Variants in NEB observed in about 807,000 individuals in gnomAD.
NEB encodes nebulin, also known as nemaline myopathy type 2.
In NEB, 512 loss-of-function variants were observed where a neutral mutation model predicts 952.2. The ratio of observed to expected loss-of-function variants is 0.54; its 90% CI spans 0.50 to 0.58. NEB has a LOEUF of 0.58. Among genes scored for constraint, NEB ranks in the 20% least tolerant of loss-of-function variants. The pLI is 0.00. For missense variants in NEB, 8,428 were observed against 9,231.1 expected (o/e 0.91, Z 3.56); for synonymous variants, 2,900 against 3,149.8 (o/e 0.92, Z 2.66).
In NEB at chr2:151,526,009, T is replaced by C. The variant is rs539800267; in HGVS notation, c.22110A>G (p.Pro7370=). 2.7e-5 allele frequency: 44 copies of C among 1,614,010 alleles called. No homozygotes were observed. The East Asian group carries it at 8.9e-4, about 33-fold the overall frequency. Residue 7370 remains proline (P), a synonymous_variant, in exon 150 of 182, where the codon CCA becomes CCG. Transcript: ENST00000397345. ...TGACGTGAACAGTGTCCCGGGTCTCTGGTAGTGTTGTGTATGAGCCCTGTG... is the reference window on the plus strand; with the variant it reads ...TGACGTGAACAGTGTCCCGGGTCTCCGGTAGTGTTGTGTATGAGCCCTGTG... ...HLAQGSYTTL[P]ETRDTVHVKE...
intron 165 of NEB, among the ~76,000 whole-genome samples, 181 bp from the exon 166 acceptor site, chr2:151,503,622 AT>A (rs3835058): frequency 0.64 from 96,955 of 151,936 alleles, 31,315 homozygotes; most frequent in East Asian, 0.77. Flanking sequence ...AATAGTAAAA[AT>A]TTTTACTACT....
At chr2:151,674,636 G>C (rs2099344923) in intron 35 of NEB, 52 bp from the exon 36 acceptor site, 1 of 1,331,114 alleles carries the variant, frequency 7.5e-7, no homozygotes, top group Non-Finnish European at 1.1e-6. Flanking sequence ...TTCCTCAACT[G>C]CTGGGATTGT....
At chr2:151,568,764 T>G in intron 110 of NEB, 48 bp from the exon 111 acceptor site, 1 of 1,334,890 alleles carries the variant, frequency 7.5e-7, no homozygotes. Context: ...CCTAGACATG[T>G]GTGAACTGAG....
At chr2:151,642,537 C>T (rs763691346) in intron 60 of NEB, 37 bp downstream of exon 60, 23 of 1,548,240 alleles carry the variant, frequency 1.5e-5, no homozygotes, top group Non-Finnish European at 2.0e-5. Context: ...AATCTTTGAG[C>T]CAAAGCTAAG....
chr2:151,507,045 T>G, intron 162 of NEB, 32 bp from the exon 163 acceptor site: 3 of 1,272,896 alleles, frequency 2.4e-6, no homozygotes, highest in Middle Eastern at 2.5e-4. Context: ...CTTGTTAAGA[T>G]TTCAACATTG....
At chr2:151,643,474 A>C (rs2098914141) in intron 57 of NEB, 121 bp from the exon 58 acceptor site, 26 of 867,620 alleles carry the variant, frequency 3.0e-5, no homozygotes, top group Non-Finnish European at 4.4e-5. Context: ...TATTTTTAAT[A>C]CTTGAATTAT....
rs891932148 is a variant in NEB at position 151,499,456 on chromosome 2, G to T, written c.24022-66C>A. 7 of 830,364 alleles carry T rather than the reference G, an allele frequency of 8.4e-6. No homozygotes were observed. In the East Asian group the frequency reaches 1.6e-4, roughly 19 times the overall value. 51.4% of individuals were successfully genotyped at this position (830,364 alleles called of 1,614,324 possible). On this transcript the variant is annotated intron_variant, in intron 168 of 181. Coordinates refer to ENST00000397345, the MANE Select transcript of NEB (RefSeq NM_001164508.2). Reference sequence around the variant, plus strand: ...TCAAAACAGCCCTTTCATCTACCTTGTGGGGAACCTGGTATAAAACTACAG... The same window carrying T: ...TCAAAACAGCCCTTTCATCTACCTTTTGGGGAACCTGGTATAAAACTACAG...
At chr2:151,724,183 GAGTTCACCAAGTATTAC>G in intron 8 of NEB, 60 bp downstream of exon 8, 3 of 1,098,154 alleles carry the variant, frequency 2.7e-6, no homozygotes, top group Middle Eastern at 2.0e-4. Context: ...AGATGATCAA[GAGTTCACCAAGTATTAC>G]ATGAAATATA....
intron 136 of NEB, 47 bp from the exon 137 acceptor site, chr2:151,540,848 T>C: frequency 6.9e-7 from 1 of 1,456,940 alleles, no homozygotes; most frequent in East Asian, 2.3e-5. Flanking sequence ...AAGCATTTAG[T>C]ATTTAGCATT....
At chr2:151,665,158 G>T (rs2099198019) in intron 42 of NEB, among the ~76,000 whole-genome samples, 175 bp downstream of exon 42, 1 of 152,018 alleles carries the variant, frequency 6.6e-6, no homozygotes, top group Non-Finnish European at 1.5e-5. Context: ...TGATCTGAGG[G>T]GTCACTATGA....
chr2:151,654,412 G>A (rs938116058), intron 51 of NEB, among the ~76,000 whole-genome samples: 3 of 152,036 alleles, frequency 2.0e-5, no homozygotes, highest in Non-Finnish European at 4.4e-5. Flanking sequence ...GTTTAATACC[G>A]CCTGGGCTTA....
intron 140 of NEB, 66 bp from the exon 141 acceptor site, chr2:151,537,302 A>G (rs1190125089): frequency 5.6e-6 from 5 of 896,850 alleles, no homozygotes; most frequent in East Asian, 5.0e-5. Context: ...GTTAGTATCT[A>G]TACAAGTGGA....
intron 20 of NEB, among the ~76,000 whole-genome samples, chr2:151,693,096 C>T (rs559415895): frequency 1.3e-5 from 2 of 152,246 alleles, no homozygotes; most frequent in East Asian, 1.9e-4. Context: ...TTGGTGAAAA[C>T]GCATTTTGTA....
intron 129 of NEB, among the ~76,000 whole-genome samples, chr2:151,551,212 G>A (rs1460682641): frequency 5.3e-5 from 8 of 151,908 alleles, no homozygotes; most frequent in African/African-American, 1.7e-4. Context: ...CAGGTGATCT[G>A]CCCGCCTCAG....
At chr2:151,534,110 A>G (rs2092540196) in intron 142 of NEB, 2 of 844,448 alleles carry the variant, frequency 2.4e-6, no homozygotes, top group Non-Finnish European at 1.9e-6. Context: ...ACAACCCAAT[A>G]TCATAGGCAG....
chr2:151,622,146 G>A (rs1209921524), intron 71 of NEB, among the ~76,000 whole-genome samples: 4 of 152,096 alleles, frequency 2.6e-5, no homozygotes, highest in Non-Finnish European at 5.9e-5. Context: ...GATTACAGGT[G>A]TGTGCCACCA....
At chr2:151,496,869 T>C in intron 172 of NEB, 72 bp downstream of exon 172, 1 of 1,417,520 alleles carries the variant, frequency 7.1e-7, no homozygotes, top group East Asian at 2.5e-5. Context: ...ATAGGATTAA[T>C]ATGTATTATT....
chr2:151,519,709 T>G lies in NEB; in HGVS notation c.22539A>C (p.Lys7513Asn). Residue 7513 changes from lysine to asparagine, a missense_variant, in exon 154 of 182, where the codon AAA becomes AAC. Physicochemically the swap from Lys to Asn is moderately conservative, Grantham distance 94 (BLOSUM62 0). Transcript: ENST00000397345. ...EKGKTPKYNPKDSQLYKVMKD... is the reference protein window; with the variant it reads ...EKGKTPKYNPNDSQLYKVMKD... ...TCATGACTTTGTAGAGCTGGCTGTC[T>G]TTTGGATTGTATTTTGGTGTCTTGC... is the stretch of plus-strand genomic sequence containing the variant. 1 of 1,613,464 alleles carries G rather than the reference T, an allele frequency of 6.2e-7. No homozygotes were observed. Among genetic ancestry groups the G allele is most frequent in the Non-Finnish European group, 8.5e-7 (1 of 1,179,542 alleles).
At chr2:151,522,052 A>G (rs1227771293) in intron 153 of NEB, among the ~76,000 whole-genome samples, 1 of 152,212 alleles carries the variant, frequency 6.6e-6, no homozygotes, top group Non-Finnish European at 1.5e-5. Context: ...CAACTCTGCA[A>G]TGCCATGTCT....
Sources: allele counts gnomAD v4.1 joint callset (sites outside exome capture counted in the v4.1 genomes callset), GRCh38; gene constraint gnomAD v4.1.1; transcripts MANE v1.5; gene names NCBI Gene and HGNC (gene_info 2026-07-23, HGNC 2026-07-21).